The following HINT3 variants were observed in gnomAD, a reference collection of about 807,000 sequenced individuals.
The protein encoded by HINT3 is histidine triad nucleotide binding protein 3.
A neutral mutation model predicts 19.1 loss-of-function variants in HINT3; 16 were observed. The observed-to-expected ratio is 0.84, with a 90% confidence interval of 0.57 to 1.27. The LOEUF (loss-of-function observed/expected upper bound fraction) is 1.27. Ranked by LOEUF, HINT3 falls within the 50% of genes most tolerant of loss-of-function variation. HINT3 has a pLI of 0.00. For missense variants in HINT3, 197 were observed against 225.8 expected, an observed-to-expected ratio of 0.87 and a Z score of 0.82; for synonymous variants, 75 against 84.8, an observed-to-expected ratio of 0.88 and a Z score of 0.63.
At chr6:125,960,951 A>G (rs1462760628) in intron 1 of HINT3, among the ~76,000 whole-genome samples, 1 of 152,190 alleles carries the variant, frequency 6.6e-6, no homozygotes, top group Non-Finnish European at 1.5e-5. Context: ...AACTGCTTTT[A>G]AATTTTGTAT....
chr6:125,977,002 C>T (rs1375710224), intron 4 of HINT3, among the ~76,000 whole-genome samples: 1 of 152,156 alleles, frequency 6.6e-6, no homozygotes, highest in African/African-American at 2.4e-5. Context: ...ACAGTTTCCT[C>T]ACTATGACAT....
At chr6:125,968,383 T>A (rs1046040617) in intron 2 of HINT3, among the ~76,000 whole-genome samples, 1 of 152,254 alleles carries the variant, frequency 6.6e-6, no homozygotes, top group Non-Finnish European at 1.5e-5. Context: ...ATGGTATATA[T>A]GTACCACATC....
intron 2 of HINT3, among the ~76,000 whole-genome samples, chr6:125,971,870 C>T (rs767534878): frequency 1.3e-5 from 2 of 151,746 alleles, no homozygotes; most frequent in East Asian, 1.9e-4. Flanking sequence ...CCACCACGCC[C>T]GGCTAATTTT....
At chr6:125,970,969 G>A (rs1259901860) in intron 2 of HINT3, among the ~76,000 whole-genome samples, 1 of 152,164 alleles carries the variant, frequency 6.6e-6, no homozygotes, top group Non-Finnish European at 1.5e-5. Flanking sequence ...CTGACTTAAA[G>A]AAGTAAACAT....
At chr6:125,964,840 A>G (rs1457357757) in intron 1 of HINT3, among the ~76,000 whole-genome samples, 1 of 152,100 alleles carries the variant, frequency 6.6e-6, no homozygotes, top group Non-Finnish European at 1.5e-5. Context: ...AAGATGAACC[A>G]TGTAAATGAT....
In HINT3 at chr6:125,962,283, TATACACATATATATATATATATATCACAC is replaced by T. The variant is rs1314370158; in HGVS notation, c.202-4600_202-4572del. ...ATATATATATATACATACATATATA[TATACACATATATATATATATATATCACAC>T]ATATATATATATATATATCACACAC... On this transcript the variant is annotated intron_variant, in intron 1 of 4. Transcript: ENST00000229633. Among the ~76,000 whole-genome samples the T allele has an allele frequency of 2.6e-3, 83 of 31,640 alleles. 3 individuals carry two copies. The highest frequency in any genetic ancestry group is 0.017 in the African/African-American group (76 of 4,600). The allele number at this position is 31,640 out of a possible 152,430, so 20.8% of individuals were successfully genotyped here. A position where few individuals can be genotyped will look rare whatever the true frequency, so the allele number is the denominator to read the frequency against.
rs147213100 is a variant in HINT3 at position 125,957,062 on chromosome 6, G to C, written c.85G>C (p.Val29Leu). ...SATAETTVSSVGTCEAAGKSP... is the reference protein window; with the variant it reads ...SATAETTVSSLGTCEAAGKSP... Reference sequence around the variant, plus strand: ...GACTGCAGAAACTACGGTTTCCTCAGTGGGGACCTGTGAAGCCGCTGGCAA... The same window carrying C: ...GACTGCAGAAACTACGGTTTCCTCACTGGGGACCTGTGAAGCCGCTGGCAA... Residue 29 changes from valine (V) to leucine (L), a missense_variant, in exon 1 of 5, where the codon GTG (valine) becomes CTG (leucine). By Grantham distance (32) the Val-to-Leu change is conservative. Transcript: ENST00000229633. 2.6e-6 allele frequency: 4 copies of C among 1,550,848 alleles called. No homozygotes were observed. The highest frequency in any genetic ancestry group is 3.5e-6 in the Non-Finnish European group (4 of 1,146,860).
At chr6:125,965,583 A>C (rs1009897060) in intron 1 of HINT3, among the ~76,000 whole-genome samples, 4 of 152,040 alleles carry the variant, frequency 2.6e-5, no homozygotes, top group Non-Finnish European at 4.4e-5. Flanking sequence ...TAACATAGGG[A>C]GACTCCATCT....
chr6:125,968,622 T>C (rs1453834253), intron 2 of HINT3, among the ~76,000 whole-genome samples: 1 of 152,206 alleles, frequency 6.6e-6, no homozygotes, highest in Non-Finnish European at 1.5e-5. Flanking sequence ...TAATTTACAT[T>C]CTCATCAACA....
chr6:125,977,629 G>T lies in HINT3; in HGVS notation c.517-15G>T, dbSNP rs1047069046. On this transcript the variant is annotated splice_polypyrimidine_tract_variant and intron_variant, in intron 4 of 4. Coordinates refer to ENST00000229633, the MANE Select transcript of HINT3 (RefSeq NM_138571.5). ...TATGATATCTAGAATTAAAAAGTAT[G>T]TTTTTTAATTACAGGCTGATCACTT... 1 of 1,379,640 alleles carries T rather than the reference G, an allele frequency of 7.2e-7. No individual in the cohort carries two copies. The highest frequency in any genetic ancestry group is 2.1e-5 in the Admixed American group (1 of 47,206). The allele number at this position is 1,379,640 out of a possible 1,614,324, so 85.5% of individuals were successfully genotyped here. A position where few individuals can be genotyped will look rare whatever the true frequency, so the allele number is the denominator to read the frequency against.
At chr6:125,962,237 C>CAT (rs1334416940) in intron 1 of HINT3, among the ~76,000 whole-genome samples, 1,333 of 15,722 alleles carry the variant, frequency 0.085, 169 homozygotes, top group East Asian at 0.21. Context: ...TATATATACA[C>CAT]ATATATATAT....
chr6:125,965,189 T>G (rs1024031770), intron 1 of HINT3, among the ~76,000 whole-genome samples: 2 of 152,160 alleles, frequency 1.3e-5, no homozygotes, highest in Non-Finnish European at 2.9e-5. Flanking sequence ...AGACAGCAGA[T>G]TTTTAGGAAC....
At chr6:125,958,812 A>C (rs1161332246) in intron 1 of HINT3, among the ~76,000 whole-genome samples, 1 of 152,198 alleles carries the variant, frequency 6.6e-6, no homozygotes, top group Non-Finnish European at 1.5e-5. Flanking sequence ...TACAGTGCAC[A>C]GGACAGCACC....
intron 4 of HINT3, among the ~76,000 whole-genome samples, chr6:125,975,546 G>A (rs1460624064): frequency 6.7e-6 from 1 of 150,260 alleles, no homozygotes; most frequent in Non-Finnish European, 1.5e-5. Context: ...AAGAGTTGTA[G>A]TAGTAGCATC....
At chr6:125,977,586 G>A in intron 4 of HINT3, 58 bp from the exon 5 acceptor site, 5 of 865,106 alleles carry the variant, frequency 5.8e-6, no homozygotes, top group East Asian at 5.4e-5. Flanking sequence ...GATACCAGTA[G>A]AATTATTTGA....
intron 1 of HINT3, among the ~76,000 whole-genome samples, chr6:125,959,691 G>A (rs1489906029): frequency 6.6e-6 from 1 of 152,234 alleles, no homozygotes; most frequent in Non-Finnish European, 1.5e-5. Context: ...GGTAGCTACA[G>A]GAGAAGTTGG....
intron 2 of HINT3, 45 bp from the exon 3 acceptor site, chr6:125,972,214 T>G: frequency 1.6e-6 from 2 of 1,281,850 alleles, no homozygotes; most frequent in Non-Finnish European, 2.2e-6. Context: ...ATTTGTGACC[T>G]TAATGTCTCC....
Position 125,957,536 on chromosome 6 carries a change from T to C in HINT3, c.201+358T>C, listed in dbSNP as rs372896624. ...ACAAATAACATTTTGTGGCCTCTGC[T>C]TTTATTACAAGGATTCTTCTCCACC... On this transcript the variant is annotated intron_variant, in intron 1 of 4. Transcript: ENST00000229633. 9.8e-5 allele frequency among the ~76,000 whole-genome samples: 15 copies of C among 152,366 alleles called. No individual in the cohort carries two copies. The East Asian group carries it at 2.3e-3, about 23-fold the overall frequency.
chr6:125,974,773 T>G, intron 3 of HINT3, 74 bp from the exon 4 acceptor site: 1 of 1,455,926 alleles, frequency 6.9e-7, no homozygotes, highest in Non-Finnish European at 9.5e-7. Context: ...TCATTAAAAT[T>G]TATGTGTTTT....
Sources: gnomAD v4.1 joint callset for allele counts (sites outside exome capture counted in the v4.1 genomes callset) on GRCh38, gnomAD v4.1.1 for gene constraint, MANE v1.5 for transcripts, NCBI Gene and HGNC (gene_info 2026-07-23, HGNC 2026-07-21) for gene names.